The following DOCK6 variants were observed in gnomAD, a reference collection of about 807,000 sequenced individuals.
The protein encoded by DOCK6 is dedicator of cytokinesis 6, also known as dedicator of cytokinesis protein 6.
DOCK6 carries 167 observed loss-of-function variants against 230.3 expected under a neutral mutation model. The observed-to-expected ratio is 0.73, with a 90% CI of 0.64 to 0.82. The LOEUF (loss-of-function observed/expected upper bound fraction) is 0.82. DOCK6 is among the 40% of genes least tolerant of loss of function. DOCK6 has a pLI of 0.00. For synonymous variants in DOCK6, 1,148 were observed against 1,185.0 expected, an observed-to-expected ratio of 0.97 and a Z score of 0.64; for missense variants, 2,598 against 2,825.8, an observed-to-expected ratio of 0.92 and a Z score of 1.83.
intron 39 of DOCK6, among the ~76,000 whole-genome samples, chr19:11,206,610 G>A (rs1356692857): frequency 6.6e-6 from 1 of 151,772 alleles, no homozygotes; most frequent in African/African-American, 2.4e-5. Context: ...ACAGATCAGC[G>A]ACAGCCATTG....
rs558828158 is a variant in DOCK6 at position 11,212,076 on chromosome 19, C to T, written c.4567G>A (p.Glu1523Lys). ...LVGTTQNFSE[E>K]HLRRSLKTIL... ...GTTTTGAGTGAACGTCGCAGGTGCT[C>T]TTCACTGAAGTTCTGCGTCGTCCCC... The change falls in exon 36 of 48, where the codon GAG (glutamate) becomes AAG (lysine). Residue 1523 changes from glutamate to lysine, a missense_variant. Glu to Lys is a moderately conservative substitution (Grantham distance 56, BLOSUM62 1). Coordinates refer to ENST00000294618, the MANE Select transcript of DOCK6 (RefSeq NM_020812.4). 23 of 1,612,048 alleles carry T rather than the reference C, an allele frequency of 1.4e-5. No homozygotes were observed. The East Asian group carries it at 3.1e-4, about 22-fold the overall frequency.
Position 11,262,519 on chromosome 19 carries a change from C to G in DOCK6, c.-79G>C, listed in dbSNP as rs1444067465. 1.1e-6 allele frequency: 1 copy of G among 923,758 alleles called. No individual in the cohort carries two copies. The highest frequency in any genetic ancestry group is 4.9e-5 in the South Asian group (1 of 20,584). 57.2% of individuals were successfully genotyped at this position (923,758 alleles called of 1,614,324 possible). On this transcript the variant is annotated 5_prime_UTR_variant, in exon 1 of 48. Transcript: ENST00000294618. ...GCCTCCCGGTTCTGGGCAGCCGGGGCGGGGCGGGGCCGGCGCGGGGGCGGG... is the reference window on the plus strand; with the variant it reads ...GCCTCCCGGTTCTGGGCAGCCGGGGGGGGGCGGGGCCGGCGCGGGGGCGGG...
At position 11,208,943 on chromosome 19, in the gene DOCK6, G is replaced by C. The variant is rs370048275; in HGVS notation, c.4912C>G (p.Arg1638Gly). 285 of 1,597,652 alleles carry C rather than the reference G, an allele frequency of 1.8e-4. No homozygotes were observed. The highest frequency in any genetic ancestry group is 2.3e-4 in the Non-Finnish European group (271 of 1,167,370). Residue 1638 changes from arginine (R) to glycine (G), a missense_variant, in exon 38 of 48, where the codon CGC becomes GGC. Transcript: ENST00000294618. Reference sequence around the variant, plus strand: ...GAAACGCAGCCCACGGGCAGGTGGCGGTGGTCCTCGAGCAGGGCGAGGTAC... The same window carrying C: ...GAAACGCAGCCCACGGGCAGGTGGCCGTGGTCCTCGAGCAGGGCGAGGTAC... ...AEYLALLEDH[R>G]HLPVGCVSFQ...
chr19:11,221,225 C>T (rs1430956367), intron 28 of DOCK6: 3 of 152,762 alleles, frequency 2.0e-5, no homozygotes, highest in Non-Finnish European at 4.4e-5. Flanking sequence ...AAAAAACTTC[C>T]CAGTTGGATT....
chr19:11,207,205 A>AT (rs2079276991), intron 39 of DOCK6, among the ~76,000 whole-genome samples: 1 of 151,838 alleles, frequency 6.6e-6, no homozygotes, highest in South Asian at 2.1e-4. Flanking sequence ...TATTTTATTT[A>AT]TTTTTTGAGA....
At position 11,199,530 on chromosome 19, in the gene DOCK6, C is replaced by A. The variant is rs779954240; in HGVS notation, c.6111G>T (p.Leu2037Phe). The change falls in exon 48 of 48, where the codon TTG becomes TTT. Residue 2037 changes from leucine (L) to phenylalanine (F), a missense_variant. Physicochemically the swap from Leu to Phe is conservative, Grantham distance 22. Coordinates refer to ENST00000294618, the MANE Select transcript of DOCK6 (RefSeq NM_020812.4). ...CTGCCTTTCGGAAACTTGCTCTGTT[C>A]AAGGAGTTCCTGGAAAAAGAATGAG... The part of the protein sequence containing the change: ...APTPPGLRNS[L>F]NRASFRKADL 17 of 1,580,678 alleles carry A rather than the reference C, an allele frequency of 1.1e-5. No individual in the cohort carries two copies. In the South Asian group the frequency reaches 1.5e-4, roughly 14 times the overall value.
In DOCK6 at chr19:11,236,764, G is replaced by A. The variant is rs1476782981; in HGVS notation, c.2160+29C>T. 3 of 1,550,872 alleles carry A rather than the reference G, an allele frequency of 1.9e-6. No homozygotes were observed. The highest frequency in any genetic ancestry group is 2.6e-6 in the Non-Finnish European group (3 of 1,146,770). On this transcript the variant is annotated intron_variant, in intron 19 of 47. Transcript: ENST00000294618. This position sits in a 1 kb window ranked among gnomAD's most constrained non-coding sequence, Gnocchi z 5.2. ...GGGCAGGCAAGAGGGGAGCAGGGCGGGACTCTTGGTTCCCGGCCCACCCCG... is the reference window on the plus strand; with the variant it reads ...GGGCAGGCAAGAGGGGAGCAGGGCGAGACTCTTGGTTCCCGGCCCACCCCG...
chr19:11,204,240 T>A lies in DOCK6; in HGVS notation c.5180A>T (p.His1727Leu). 1 of 1,582,794 alleles carries A rather than the reference T, an allele frequency of 6.3e-7. No homozygotes were observed. Among genetic ancestry groups the A allele is most frequent in the South Asian group, 1.1e-5 (1 of 87,396 alleles). Residue 1727 changes from histidine to leucine, a missense_variant, in exon 40 of 48, where the codon CAC (histidine) becomes CTC (leucine). Physicochemically the swap from His to Leu is moderately conservative, Grantham distance 99. Transcript: ENST00000294618. ...HRDYKKLAAVHGKLQEAFTKI... is the reference protein window; with the variant it reads ...HRDYKKLAAVLGKLQEAFTKI... The stretch of plus-strand genomic sequence containing the variant: ...GGTGAAGGCCTCCTGCAGTTTGCCG[T>A]GCACCGCGGCCAGCTTCTTGTAGTC...
rs1599250888 is a variant in DOCK6 at position 11,233,364 on chromosome 19, C to A, written c.2557G>T (p.Ala853Ser). 1.2e-6 allele frequency: 2 copies of A among 1,612,818 alleles called. No individual in the cohort carries two copies. The highest frequency in any genetic ancestry group is 1.7e-5 in the Admixed American group (1 of 59,972). ...PGTEPSLPDG[A>S]PPVTVQAATL... ...GCAGCCTGCACTGTCACTGGAGGGG[C>A]CCCTGAGGATGGAGTGAATAGGGTC... The change falls in exon 22 of 48, where the codon GCC becomes TCC. Residue 853 changes from alanine to serine, a missense_variant and splice_region_variant. Transcript: ENST00000294618.
At chr19:11,247,762 GTCA>G in intron 7 of DOCK6, 1 of 300,882 alleles carries the variant, frequency 3.3e-6, no homozygotes, top group Non-Finnish European at 6.4e-6. Context: ...TTGGCGTCAT[GTCA>G]CCACTCTGTG....
chr19:11,212,148 A>G lies in DOCK6; in HGVS notation c.4495T>C (p.Phe1499Leu). ...GTGACCTGCATCTTCACACGGGCAA[A>G]GTTCTGCAGGGACAGGGGCGGGAGG... ...MRQNFEIGHN[F>L]ARVKMQVTMS... The change falls in exon 36 of 48, where the codon TTT becomes CTT. Residue 1499 changes from phenylalanine to leucine, a missense_variant. Physicochemically the swap from Phe to Leu is conservative, Grantham distance 22 (BLOSUM62 0). Transcript: ENST00000294618. 6.3e-7 allele frequency: 1 copy of G among 1,593,718 alleles called. No individual in the cohort carries two copies. The highest frequency in any genetic ancestry group is 8.5e-7 in the Non-Finnish European group (1 of 1,170,390).
In DOCK6 at chr19:11,214,648, T is replaced by A. The variant is rs769751677; in HGVS notation, c.4108A>T (p.Thr1370Ser). Residue 1370 changes from threonine (T) to serine (S), a missense_variant and splice_region_variant, in exon 33 of 48, where the codon ACC (threonine) becomes TCC (serine). Coordinates refer to ENST00000294618, the MANE Select transcript of DOCK6 (RefSeq NM_020812.4). ...WKQTSDRVDK[T>S]KDEMEHEALV... Reference sequence around the variant, plus strand: ...GCCTCGTGTTCCATTTCATCCTTGGTCCTGGAAGGGGAAAGGAGGTCTTGG... The same window carrying A: ...GCCTCGTGTTCCATTTCATCCTTGGACCTGGAAGGGGAAAGGAGGTCTTGG... 7 of 1,613,458 alleles carry A rather than the reference T, an allele frequency of 4.3e-6. No homozygotes were observed. In the Admixed American group the frequency reaches 1.2e-4, roughly 27 times the overall value.
At position 11,220,662 on chromosome 19, in the gene DOCK6, A is replaced by G. The variant is rs559810528; in HGVS notation, c.3550+1189T>C. On this transcript the variant is annotated intron_variant, in intron 28 of 47. Coordinates refer to ENST00000294618, the MANE Select transcript of DOCK6 (RefSeq NM_020812.4). ...AAAAAGAGACAACAGAAGCAGACAC[A>G]TGGATGATCAAATCTGGAAGTCAGC... 1.2e-3 allele frequency among the ~76,000 whole-genome samples: 184 copies of G among 152,340 alleles called. 1 individual carries two copies. The highest frequency in any genetic ancestry group is 4.3e-3 in the African/African-American group (178 of 41,584).
chr19:11,248,097 G>T lies in DOCK6; in HGVS notation c.775C>A (p.Gln259Lys). Residue 259 changes from glutamine to lysine, a missense_variant, in exon 7 of 48, where the codon CAA becomes AAA. Gln to Lys is a moderately conservative substitution (Grantham distance 53). Transcript: ENST00000294618. Reference sequence around the variant, plus strand: ...GACAGACACTTGACCAAGATCCTTTGTCCAAAGTGCTCGCGGGGTGGCTCT... The same window carrying T: ...GACAGACACTTGACCAAGATCCTTTTTCCAAAGTGCTCGCGGGGTGGCTCT... ...RPEPPREHFG[Q>K]RILVKCLSLK... 6.2e-7 allele frequency: 1 copy of T among 1,612,540 alleles called. No individual in the cohort carries two copies. The highest frequency in any genetic ancestry group is 8.5e-7 in the Non-Finnish European group (1 of 1,179,386).
chr19:11,235,837 T>A, intron 20 of DOCK6, 78 bp from the exon 21 acceptor site: 1 of 1,478,020 alleles, frequency 6.8e-7, no homozygotes, highest in Non-Finnish European at 9.0e-7. Flanking sequence ...TATAAAGACA[T>A]CAGGATTTGA....
At chr19:11,226,081 G>A (rs1053426484) in intron 24 of DOCK6, among the ~76,000 whole-genome samples, 2 of 151,994 alleles carry the variant, frequency 1.3e-5, no homozygotes, top group Non-Finnish European at 2.9e-5. Context: ...ACATAGCTGA[G>A]CCACATTCCT....
rs749567692 is a variant in DOCK6 at position 11,214,248 on chromosome 19, G to T, written c.4338+27C>A. On this transcript the variant is annotated intron_variant, in intron 34 of 47. Coordinates refer to ENST00000294618, the MANE Select transcript of DOCK6 (RefSeq NM_020812.4). Reference sequence around the variant, plus strand: ...CCTAGAGCTGCTACTGTTTTTCTAAGAATCATGGTTGTTGAGTGGTGCTCA... The same window carrying T: ...CCTAGAGCTGCTACTGTTTTTCTAATAATCATGGTTGTTGAGTGGTGCTCA... The T allele has an allele frequency of 7.0e-6, 11 of 1,578,774 alleles. No individual in the cohort carries two copies. In the Admixed American group the frequency reaches 2.0e-4, roughly 29 times the overall value.
Position 11,228,964 on chromosome 19 carries a change from G to C in DOCK6, c.2790C>G (p.His930Gln). 1.2e-6 allele frequency: 2 copies of C among 1,613,812 alleles called. No individual in the cohort carries two copies. Among genetic ancestry groups the C allele is most frequent in the Non-Finnish European group, 1.7e-6 (2 of 1,179,848 alleles). ...SSAVREAILQ[H>Q]AWFFFQLMVK... The stretch of plus-strand genomic sequence containing the variant: ...CCATGAGCTGGAAGAAGAACCAGGC[G>C]TGCTGGAGGATGGCCTCGCGTACGG... Residue 930 changes from histidine to glutamine, a missense_variant, in exon 23 of 48, where the codon CAC becomes CAG. His to Gln is a conservative substitution (Grantham distance 24, BLOSUM62 0). Transcript: ENST00000294618.
chr19:11,212,162 A>C lies in DOCK6; in HGVS notation c.4492-11T>G. 1 of 1,463,076 alleles carries C rather than the reference A, an allele frequency of 6.8e-7. No homozygotes were observed. Among genetic ancestry groups the C allele is most frequent in the Non-Finnish European group, 9.3e-7 (1 of 1,077,548 alleles). The allele number at this position is 1,463,076 out of a possible 1,614,324, so 90.6% of individuals were successfully genotyped here. A position where few individuals can be genotyped will look rare whatever the true frequency, so the allele number is the denominator to read the frequency against. On this transcript the variant is annotated splice_polypyrimidine_tract_variant and intron_variant, in intron 35 of 47. Transcript: ENST00000294618. Reference sequence around the variant, plus strand: ...CACACGGGCAAAGTTCTGCAGGGACAGGGGCGGGAGGGTGGAGCCGGGAGT... The same window carrying C: ...CACACGGGCAAAGTTCTGCAGGGACCGGGGCGGGAGGGTGGAGCCGGGAGT...
Sources: allele counts gnomAD v4.1 joint callset (sites outside exome capture counted in the v4.1 genomes callset), GRCh38; gene constraint gnomAD v4.1.1; non-coding constraint Gnocchi (gnomAD v3.1); transcripts MANE v1.5; gene names NCBI Gene and HGNC (gene_info 2026-07-23, HGNC 2026-07-21).